The following ARR3 variants were observed in gnomAD, a reference collection of about 807,000 sequenced individuals.
ARR3 encodes the protein arrestin-C.
ARR3 carries 14 observed loss-of-function variants against 35.4 expected under a neutral mutation model. That is an observed-to-expected ratio of 0.40 (90% CI 0.26 to 0.62). ARR3 has a LOEUF of 0.62. ARR3 is among the 20% of genes least tolerant of loss of function. ARR3 has a pLI of 0.46. For missense variants in ARR3, 259 were observed against 303.8 expected (o/e 0.85, Z 1.10); for synonymous variants, 97 against 119.1 (o/e 0.81, Z 1.21).
In ARR3 at chrX:70,276,496, A is replaced by G; in HGVS notation, c.405+4A>G. The G allele has an allele frequency of 1.7e-6, 2 of 1,210,610 alleles. No homozygotes were observed. The highest frequency in any genetic ancestry group is 5.9e-5 in the East Asian group (2 of 33,867). On this transcript the variant is annotated splice_donor_region_variant and intron_variant, in intron 7 of 16. Transcript: ENST00000307959. The stretch of plus-strand genomic sequence containing the variant: ...AGGTCCTGAAGATGCAGGAAAGGTG[A>G]GGACTGGGTTCTAAGAAAGAGGGAT...
rs186655538 is a variant in ARR3 at position 70,281,522 on chromosome X, T to C, written c.1077-154T>C. On this transcript the variant is annotated intron_variant, in intron 16 of 16. Transcript: ENST00000307959. ...ATGAAAGGAAACAAGCCAGAGTGGC[T>C]GATGGAAAAGTGGGGACACCAAGAG... is the stretch of plus-strand genomic sequence containing the variant. 6.1e-6 allele frequency: 3 copies of C among 494,360 alleles called. No homozygotes were observed. The African/African-American group carries it at 7.2e-5, about 12-fold the overall frequency. 40.7% of individuals were successfully genotyped at this position (494,360 alleles called of 1,213,427 possible).
chrX:70,272,574 T>C (rs995357890), intron 5 of ARR3, among the ~76,000 whole-genome samples: 1 of 112,398 alleles, frequency 8.9e-6, no homozygotes, highest in Non-Finnish European at 1.9e-5. Context: ...ATCCTTTTCA[T>C]ACTTGTTCAA....
intron 5 of ARR3, among the ~76,000 whole-genome samples, chrX:70,270,767 C>G (rs1050853718): frequency 9.2e-6 from 1 of 108,359 alleles, no homozygotes; most frequent in African/African-American, 3.4e-5. Context: ...TGTAGGGAAA[C>G]TGGCTGACCT....
chrX:70,274,426 C>T (rs1268188702), intron 5 of ARR3, among the ~76,000 whole-genome samples: 1 of 111,318 alleles, frequency 9.0e-6, no homozygotes, highest in Non-Finnish European at 1.9e-5. Context: ...GTCTCGAACT[C>T]CTGTCCTCAA....
chrX:70,280,730 G>T lies in ARR3; in HGVS notation c.1014-36G>T, dbSNP rs367579781. ...GAGGTTCAGGGATTGGGCTTGTAGAGAGAGGAGATGTAACTCCACCTTGGG... is the reference window on the plus strand; with the variant it reads ...GAGGTTCAGGGATTGGGCTTGTAGATAGAGGAGATGTAACTCCACCTTGGG... On this transcript the variant is annotated intron_variant, in intron 14 of 16. Transcript: ENST00000307959. The T allele has an allele frequency of 9.6e-5, 116 of 1,207,755 alleles. No homozygotes were observed. The African/African-American group carries it at 1.9e-3, about 19-fold the overall frequency.
Position 70,269,908 on chromosome X carries a change from G to C in ARR3, c.100+5G>C. 8.3e-7 allele frequency: 1 copy of C among 1,207,545 alleles called. No homozygotes were observed. Among genetic ancestry groups the C allele is most frequent in the Non-Finnish European group, 1.1e-6 (1 of 893,141 alleles). On this transcript the variant is annotated splice_donor_5th_base_variant and intron_variant, in intron 4 of 16. Coordinates refer to ENST00000307959, the MANE Select transcript of ARR3 (RefSeq NM_004312.3). ...TGGACACGGTGGAACCCATTGGTCAGTGAGTCCAAAAAAGGGAAGCCTGGG... is the reference window on the plus strand; with the variant it reads ...TGGACACGGTGGAACCCATTGGTCACTGAGTCCAAAAAAGGGAAGCCTGGG...
chrX:70,271,967 C>T (rs2085631600), intron 5 of ARR3, among the ~76,000 whole-genome samples: 2 of 110,478 alleles, frequency 1.8e-5, no homozygotes, highest in East Asian at 2.8e-4. Context: ...GTAGGAGTTG[C>T]GTGATGCAGT....
At chrX:70,276,933 A>G (rs1445425060) in intron 8 of ARR3, among the ~76,000 whole-genome samples, 197 bp downstream of exon 8, 2 of 111,897 alleles carry the variant, frequency 1.8e-5, no homozygotes, top group Non-Finnish European at 3.8e-5. Flanking sequence ...ATGGGCCAAA[A>G]AAAGAAATAT....
At chrX:70,275,659 C>CTTTTTTT (rs35378424) in intron 5 of ARR3, among the ~76,000 whole-genome samples, 1 of 42,034 alleles carries the variant, frequency 2.4e-5, no homozygotes, top group Admixed American at 3.8e-4. Context: ...AGCCTTCAAT[C>CTTTTTTT]TTTTTTTTTT....
At chrX:70,273,908 A>G (rs2085640715) in intron 5 of ARR3, among the ~76,000 whole-genome samples, 1 of 111,073 alleles carries the variant, frequency 9.0e-6, no homozygotes, top group Non-Finnish European at 1.9e-5. Context: ...TGTACTCATC[A>G]CCAAGCTTTA....
intron 13 of ARR3, 72 bp downstream of exon 13, chrX:70,280,350 C>A: frequency 9.3e-7 from 1 of 1,072,052 alleles, no homozygotes; most frequent in Non-Finnish European, 1.3e-6. Flanking sequence ...GTTTTTCTCC[C>A]AGTTAGATTG....
chrX:70,272,035 G>C (rs1028230748), intron 5 of ARR3, among the ~76,000 whole-genome samples: 1 of 109,366 alleles, frequency 9.1e-6, no homozygotes, highest in African/African-American at 3.3e-5. Context: ...CCAAGAACAA[G>C]TCATCTGATT....
Position 70,268,617 on chromosome X carries a change from T to C in ARR3, c.-31+245T>C, listed in dbSNP as rs928796922. On this transcript the variant is annotated intron_variant, in intron 1 of 16. Transcript: ENST00000307959. ...ATCTCCCTCTCTCTAAGGATTCCCA[T>C]CCAAAGGCCTAGCCCCTGGGGACCT... is the stretch of plus-strand genomic sequence containing the variant. Among the ~76,000 whole-genome samples, 3 of 111,303 alleles carry C rather than the reference T, an allele frequency of 2.7e-5. No homozygotes were observed. The South Asian group carries it at 1.1e-3, about 42-fold the overall frequency.
chrX:70,281,290 C>T (rs1299588161), intron 16 of ARR3, 182 bp downstream of exon 16: 1 of 509,965 alleles, frequency 2.0e-6, no homozygotes, highest in Non-Finnish European at 3.2e-6. Flanking sequence ...TCCCTTTCTG[C>T]ATCCCCCCGC....
intron 5 of ARR3, among the ~76,000 whole-genome samples, chrX:70,274,694 A>G (rs1028312848): frequency 8.9e-6 from 1 of 112,500 alleles, no homozygotes; most frequent in African/African-American, 3.2e-5. Context: ...CTCTGCTTCC[A>G]AGATGGTGCC....
intron 11 of ARR3, 46 bp downstream of exon 11, chrX:70,278,184 G>A (rs1236413418): frequency 3.6e-6 from 4 of 1,108,914 alleles, no homozygotes; most frequent in East Asian, 3.0e-5. Context: ...GGGGTGGGGT[G>A]GTGGGAAGAG....
intron 15 of ARR3, 67 bp from the exon 16 acceptor site, chrX:70,281,032 A>G (rs2085681197): frequency 1.1e-5 from 13 of 1,142,216 alleles, no homozygotes; most frequent in Non-Finnish European, 1.5e-5. Context: ...ATACTTCTTC[A>G]GGGAACCGAA....
At chrX:70,269,794 C>T (rs1239182515) in intron 3 of ARR3, 49 bp from the exon 4 acceptor site, 2 of 1,194,062 alleles carry the variant, frequency 1.7e-6, no homozygotes, top group Admixed American at 2.3e-5. Flanking sequence ...TCAGGGGAAT[C>T]CATTCAAAAA....
rs930417807 is a variant in ARR3, at chrX:70,276,417, C to T, written c.346-16C>T. ...TTCTTTTCTACTTCTTTTCTGATCT[C>T]CTTTTTGTCCCCTAGATGGTGACCA... On this transcript the variant is annotated splice_polypyrimidine_tract_variant and intron_variant, in intron 6 of 16. Coordinates refer to ENST00000307959, the MANE Select transcript of ARR3 (RefSeq NM_004312.3). The T allele has an allele frequency of 1.7e-6, 2 of 1,207,378 alleles. No homozygotes were observed. Among genetic ancestry groups the T allele is most frequent in the Non-Finnish European group, 2.2e-6 (2 of 892,664 alleles).
Sources: gnomAD v4.1 joint callset for allele counts (sites outside exome capture counted in the v4.1 genomes callset) on GRCh38, gnomAD v4.1.1 for gene constraint, MANE v1.5 for transcripts, NCBI Gene and HGNC (gene_info 2026-07-23, HGNC 2026-07-21) for gene names.